MME: variants seen among roughly 807,000 people sequenced by gnomAD.
MME encodes the protein membrane metalloendopeptidase.
MME carries 98 observed loss-of-function variants against 113.2 expected under a neutral mutation model. The observed-to-expected ratio is 0.87, with a 90% CI of 0.74 to 1.02. The LOEUF (loss-of-function observed/expected upper bound fraction) is 1.02, where lower values mean the gene tolerates loss of function less well. Among genes scored for constraint, MME ranks in the 50% least tolerant of loss-of-function variants. The pLI is 0.00. For missense variants in MME, 836 were observed against 896.0 expected (o/e 0.93, Z 0.86); for synonymous variants, 292 against 300.6 (o/e 0.97, Z 0.30).
intron 1 of MME, among the ~76,000 whole-genome samples, chr3:155,035,513 A>G (rs963744429): frequency 6.6e-6 from 1 of 152,126 alleles, no homozygotes; most frequent in African/African-American, 2.4e-5. Context: ...AAAGCAAAGA[A>G]AGTGAACAGA....
intron 1 of MME, among the ~76,000 whole-genome samples, chr3:155,025,687 T>TCC: frequency 1.4e-5 from 2 of 147,098 alleles, no homozygotes; most frequent in African/African-American, 5.0e-5. Flanking sequence ...CTTTCTTTCT[T>TCC]TCTTTTTTTT....
At chr3:155,102,482 T>A (rs1455825231) in intron 3 of MME, among the ~76,000 whole-genome samples, 3 of 152,202 alleles carry the variant, frequency 2.0e-5, no homozygotes, top group African/African-American at 2.4e-5. Flanking sequence ...TCCCCTCACC[T>A]AACCACATGG....
chr3:155,078,646 A>C (rs1714855327), upstream of MME, among the ~76,000 whole-genome samples: 1 of 141,198 alleles, frequency 7.1e-6, no homozygotes, highest in African/African-American at 2.7e-5. Flanking sequence ...GTGGAGTGTG[A>C]ATATGTGTGT....
At position 155,069,874 on chromosome 3, in the gene MME, G is replaced by A. The variant is rs535485356; in HGVS notation, c.-10-14284G>A. The stretch of plus-strand genomic sequence containing the variant: ...ACTCCCTTGCCCTTGTCCATGTGAT[G>A]TTGGTTAACGTCAGCAGAAGGACCT... On this transcript the variant is annotated intron_variant, in intron 1 of 22. Coordinates refer to the MME transcript ENST00000492661. Among the ~76,000 whole-genome samples, 25 of 152,288 alleles carry A rather than the reference G, an allele frequency of 1.6e-4. No homozygotes were observed. The South Asian group carries it at 4.6e-3, about 28-fold the overall frequency.
At chr3:155,174,588 C>T (rs1163008792) in intron 22 of MME, among the ~76,000 whole-genome samples, 1 of 151,732 alleles carries the variant, frequency 6.6e-6, no homozygotes, top group Non-Finnish European at 1.5e-5. Flanking sequence ...AAGAATTGTG[C>T]TTGGTGGTTA....
chr3:155,133,754 ATGTGTATATATATGG>A (rs1200220033), intron 8 of MME, among the ~76,000 whole-genome samples: 4 of 146,262 alleles, frequency 2.7e-5, no homozygotes, highest in African/African-American at 1.0e-4. Flanking sequence ...GTATATATAT[ATGTGTATATATATGG>A]TGTGTATATA....
chr3:155,115,314 G>A (rs1328018492), intron 4 of MME, among the ~76,000 whole-genome samples, 159 bp downstream of exon 4: 4 of 152,222 alleles, frequency 2.6e-5, no homozygotes, highest in Non-Finnish European at 5.9e-5. Flanking sequence ...TCTGATAGTG[G>A]CAGACACTGA....
intron 1 of MME, among the ~76,000 whole-genome samples, chr3:155,043,554 A>T (rs1713434459): frequency 6.6e-6 from 1 of 151,696 alleles, no homozygotes; most frequent in Non-Finnish European, 1.5e-5. Flanking sequence ...CTGGTCTCGA[A>T]CTCCCAACCT....
intron 1 of MME, among the ~76,000 whole-genome samples, chr3:155,051,861 T>C (rs76655635): frequency 0.14 from 21,528 of 152,100 alleles, 2,575 homozygotes; most frequent in African/African-American, 0.32. Context: ...AGTCCTAGTC[T>C]GAAGTCTTAT....
At chr3:155,034,943 T>C (rs1713082822) in intron 1 of MME, among the ~76,000 whole-genome samples, 1 of 152,192 alleles carries the variant, frequency 6.6e-6, no homozygotes, top group Non-Finnish European at 1.5e-5. Context: ...AATGGCGAAG[T>C]ACATTGGTTC....
Position 155,142,191 on chromosome 3 carries a change from G to C in MME, c.1095-46G>C, listed in dbSNP as rs1371386492. The C allele has an allele frequency of 2.5e-6, 4 of 1,612,736 alleles. No individual in the cohort carries two copies. In the African/African-American group the frequency reaches 5.3e-5, roughly 22 times the overall value. On this transcript the variant is annotated intron_variant, in intron 11 of 22. Transcript: ENST00000360490. ...TTTCATATCACTCTTCAGAAGCTTT[G>C]CAGCCTCATCTTTTCTGTTGCTGGG...
Position 155,056,782 on chromosome 3 carries a change from A to G in MME, c.-10-27376A>G, listed in dbSNP as rs144457306. Among the ~76,000 whole-genome samples the G allele has an allele frequency of 5.4e-3, 815 of 152,286 alleles. 4 individuals are homozygous for G. The highest frequency in any genetic ancestry group is 0.019 in the African/African-American group (788 of 41,556). Reference sequence around the variant, plus strand: ...TCTTCCACAATGGTTGAACTAGTTTACAGTCCCACCAACAGTGTAAAAGTC... The same window carrying G: ...TCTTCCACAATGGTTGAACTAGTTTGCAGTCCCACCAACAGTGTAAAAGTC... On this transcript the variant is annotated intron_variant, in intron 1 of 22. Coordinates refer to the MME transcript ENST00000492661.
intron 1 of MME, among the ~76,000 whole-genome samples, chr3:155,065,242 A>G (rs1714350201): frequency 6.6e-6 from 1 of 152,110 alleles, no homozygotes; most frequent in South Asian, 2.1e-4. Context: ...CACTTTGGAC[A>G]TTCTTTCATC....
chr3:155,042,903 TA>T, intron 1 of MME, among the ~76,000 whole-genome samples: 1 of 35,872 alleles, frequency 2.8e-5, no homozygotes, highest in South Asian at 1.2e-3. Context: ...GTAGGTTTTA[TA>T]TATATATATA....
At chr3:155,117,880 T>C (rs970763600) in intron 7 of MME, among the ~76,000 whole-genome samples, 4 of 152,130 alleles carry the variant, frequency 2.6e-5, no homozygotes, top group African/African-American at 9.7e-5. Flanking sequence ...GGGTTATGTT[T>C]TCTTTTCTAT....
intron 14 of MME, among the ~76,000 whole-genome samples, chr3:155,144,945 G>C (rs1721392377): frequency 6.6e-6 from 1 of 152,140 alleles, no homozygotes; most frequent in South Asian, 2.1e-4. Context: ...CATGCTTTAT[G>C]AGCAACATTC....
intron 1 of MME, among the ~76,000 whole-genome samples, chr3:155,041,477 G>A (rs1441800515): frequency 6.6e-6 from 1 of 151,920 alleles, no homozygotes; most frequent in Non-Finnish European, 1.5e-5. Context: ...CATTAAAGCT[G>A]GTTTACATCT....
chr3:155,063,522 TA>T (rs1290780840), intron 1 of MME, among the ~76,000 whole-genome samples: 5 of 112,808 alleles, frequency 4.4e-5, no homozygotes, highest in South Asian at 2.4e-4. Context: ...TAAATATATA[TA>T]TTAAAAATAT....
In MME at chr3:155,116,931, T is replaced by G; in HGVS notation, c.599T>G (p.Leu200Arg). 1 of 1,612,358 alleles carries G rather than the reference T, an allele frequency of 6.2e-7. No individual in the cohort carries two copies. The highest frequency in any genetic ancestry group is 1.1e-5 in the South Asian group (1 of 91,024). ...AATTCTAAATATGGGAAAAAAGTCCTTATTAATTTGTTTGTTGGCACTGAT... is the reference window on the plus strand; with the variant it reads ...AATTCTAAATATGGGAAAAAAGTCCGTATTAATTTGTTTGTTGGCACTGAT... ...QLNSKYGKKV[L>R]INLFVGTDDK... The change falls in exon 7 of 23, where the codon CTT becomes CGT. Residue 200 changes from leucine (L) to arginine (R), a missense_variant. By Grantham distance (102) the Leu-to-Arg change is moderately radical. Coordinates refer to ENST00000360490, the MANE Select transcript of MME (RefSeq NM_007289.4).
Sources: gnomAD v4.1 joint callset for allele counts (sites outside exome capture counted in the v4.1 genomes callset) on GRCh38, gnomAD v4.1.1 for gene constraint, MANE v1.5 for transcripts, NCBI Gene and HGNC (gene_info 2026-07-23, HGNC 2026-07-21) for gene names.